Variants in EPHA5 observed in about 807,000 individuals in gnomAD.
EPHA5 encodes EPH receptor A5.
EPHA5 carries 60 observed loss-of-function variants against 105.0 expected under a neutral mutation model. The ratio of observed to expected loss-of-function variants is 0.57; its 90% confidence interval spans 0.46 to 0.71. The LOEUF (loss-of-function observed/expected upper bound fraction) is 0.71, where lower values mean the gene tolerates loss of function less well. EPHA5 is among the 30% of genes least tolerant of loss of function. The pLI is 0.00. For synonymous variants in EPHA5, 513 were observed against 449.1 expected (o/e 1.14, Z -1.80); for missense variants, 1,218 against 1,274.7 (o/e 0.96, Z 0.68).
intron 15 of EPHA5, among the ~76,000 whole-genome samples, chr4:65,335,577 A>C (rs1425986796): frequency 6.6e-6 from 1 of 152,038 alleles, no homozygotes; most frequent in African/African-American, 2.4e-5. Context: ...TCAGTGCTTA[A>C]TTGGCTTTTT....
chr4:65,426,118 A>T (rs941155877), intron 5 of EPHA5, among the ~76,000 whole-genome samples: 44 of 152,234 alleles, frequency 2.9e-4, no homozygotes, highest in African/African-American at 1.0e-3. Context: ...TAATTTTGTC[A>T]CGTCACTACC....
At chr4:65,643,914 T>G (rs1246862053) in intron 1 of EPHA5, among the ~76,000 whole-genome samples, 1 of 152,050 alleles carries the variant, frequency 6.6e-6, no homozygotes, top group African/African-American at 2.4e-5. Context: ...TGTAACATTT[T>G]TTGTGATATT....
chr4:65,637,022 A>C (rs1578651461), intron 2 of EPHA5, among the ~76,000 whole-genome samples: 1 of 152,080 alleles, frequency 6.6e-6, no homozygotes, highest in South Asian at 2.1e-4. Flanking sequence ...TCCAGAAGAA[A>C]AAAGAGGAGA....
At chr4:65,356,265 T>A (rs1723286225) in intron 11 of EPHA5, among the ~76,000 whole-genome samples, 1 of 151,404 alleles carries the variant, frequency 6.6e-6, no homozygotes, top group Admixed American at 6.6e-5. Flanking sequence ...TATTTTAGGA[T>A]CTCTTTTTAG....
chr4:65,571,535 T>C (rs564662787), intron 3 of EPHA5, among the ~76,000 whole-genome samples: 1 of 152,194 alleles, frequency 6.6e-6, no homozygotes, highest in Admixed American at 6.5e-5. Context: ...GACTGAACAA[T>C]GAGTAAGTTC....
chr4:65,500,730 A>C (rs1225884187), intron 3 of EPHA5, among the ~76,000 whole-genome samples: 1 of 150,662 alleles, frequency 6.6e-6, no homozygotes, highest in Non-Finnish European at 1.5e-5. Context: ...AATGTTTTAA[A>C]AATATTAATA....
chr4:65,367,764 C>T (rs1718061370), intron 8 of EPHA5, among the ~76,000 whole-genome samples: 1 of 151,986 alleles, frequency 6.6e-6, no homozygotes, highest in African/African-American at 2.4e-5. Flanking sequence ...TCAAAAGCCA[C>T]TGCCTCTTTC....
At chr4:65,571,719 G>T (rs1468931144) in intron 3 of EPHA5, among the ~76,000 whole-genome samples, 1 of 151,876 alleles carries the variant, frequency 6.6e-6, no homozygotes, top group African/African-American at 2.4e-5. Context: ...ATGTATTTTT[G>T]TCACAAGGGG....
intron 16 of EPHA5, among the ~76,000 whole-genome samples, chr4:65,328,168 T>C (rs541964354): frequency 2.6e-5 from 4 of 151,140 alleles, no homozygotes; most frequent in Non-Finnish European, 5.9e-5. Flanking sequence ...ACGAATTATA[T>C]TTTGATATAG....
intron 3 of EPHA5, among the ~76,000 whole-genome samples, chr4:65,574,689 C>CACAT (rs1553942791): frequency 2.4e-5 from 2 of 82,964 alleles, no homozygotes; most frequent in African/African-American, 4.3e-5. Flanking sequence ...CATATATATA[C>CACAT]ATATATATAC....
intron 8 of EPHA5, among the ~76,000 whole-genome samples, chr4:65,373,864 A>T (rs530218343): frequency 2.2e-4 from 33 of 151,874 alleles, no homozygotes; most frequent in Non-Finnish European, 3.5e-4. Flanking sequence ...AAAGCATGAA[A>T]CCTAATGAAT....
chr4:65,365,649 C>CTATATATA lies in EPHA5; in HGVS notation c.1987+275_1987+282dup, dbSNP rs57048004. Among the ~76,000 whole-genome samples, 443 of 64,742 alleles carry CTATATATA rather than the reference C, an allele frequency of 6.8e-3. 9 individuals carry two copies. Among genetic ancestry groups the CTATATATA allele is most frequent in the Non-Finnish European group, 0.01 (298 of 28,382 alleles). 42.5% of individuals were successfully genotyped at this position (64,742 alleles called of 152,430 possible). On this transcript the variant is annotated intron_variant, in intron 10 of 16. Coordinates refer to ENST00000613740, the MANE Select transcript of EPHA5 (RefSeq NM_001281766.3). ...AATACTTTTGGGTATTACAAATTCA[C>CTATATATA]TATATATATATATATATATATATAT...
At chr4:65,417,599 T>A (rs190057893) in intron 6 of EPHA5, among the ~76,000 whole-genome samples, 315 of 152,210 alleles carry the variant, frequency 2.1e-3, no homozygotes, top group Non-Finnish European at 3.5e-3. Flanking sequence ...TGGAAATATG[T>A]TTAGAAACCT....
At chr4:65,612,407 A>C (rs1004506345) in intron 2 of EPHA5, among the ~76,000 whole-genome samples, 2 of 152,308 alleles carry the variant, frequency 1.3e-5, no homozygotes, top group East Asian at 3.9e-4. Flanking sequence ...GCTACCACTT[A>C]TAAGTGGGAA....
In EPHA5 at chr4:65,325,328, T is replaced by C. The variant is rs990445545; in HGVS notation, c.2946-1109A>G. The stretch of plus-strand genomic sequence containing the variant: ...AAAGAAACTCTTAATTATCAGAGAA[T>C]AGAAATTAAAGGATGCTAAGGCTCT... On this transcript the variant is annotated intron_variant, in intron 16 of 16. Transcript: ENST00000613740. 2.0e-5 allele frequency among the ~76,000 whole-genome samples: 3 copies of C among 151,380 alleles called. No individual in the cohort carries two copies. The East Asian group carries it at 5.8e-4, about 29-fold the overall frequency.
intron 3 of EPHA5, among the ~76,000 whole-genome samples, chr4:65,589,574 T>C (rs1428136029): frequency 6.6e-6 from 1 of 152,200 alleles, no homozygotes; most frequent in Non-Finnish European, 1.5e-5. Flanking sequence ...AAGTGAAGTA[T>C]GGAAGACAAT....
intron 8 of EPHA5, chr4:65,377,055 T>G: frequency 6.2e-7 from 1 of 1,608,766 alleles, no homozygotes; most frequent in South Asian, 1.1e-5. Flanking sequence ...ACAGCCACAT[T>G]CGCAGCAACT....
intron 15 of EPHA5, among the ~76,000 whole-genome samples, chr4:65,332,660 C>T (rs1467960203): frequency 2.6e-5 from 4 of 151,436 alleles, no homozygotes; most frequent in Admixed American, 2.0e-4. Flanking sequence ...GTAAGGAGTA[C>T]TTGGGAGATC....
At chr4:65,486,757 G>A (rs1281696661) in intron 5 of EPHA5, among the ~76,000 whole-genome samples, 3 of 152,232 alleles carry the variant, frequency 2.0e-5, no homozygotes, top group Non-Finnish European at 4.4e-5. Flanking sequence ...TTAAACTTAA[G>A]ACATTTTAGG....
Sources: allele counts gnomAD v4.1 joint callset (sites outside exome capture counted in the v4.1 genomes callset), GRCh38; gene constraint gnomAD v4.1.1; transcripts MANE v1.5; gene names NCBI Gene and HGNC (gene_info 2026-07-23, HGNC 2026-07-21).